SGPP1: variants seen among roughly 807,000 people sequenced by gnomAD.
The protein encoded by SGPP1 is hSPP1.
A neutral mutation model predicts 33.0 loss-of-function variants in SGPP1; 21 were observed. The observed-to-expected ratio is 0.64, with a 90% CI of 0.45 to 0.92. The LOEUF is 0.92. Among genes scored for constraint, SGPP1 ranks in the 40% least tolerant of loss-of-function variants. The pLI, the probability that SGPP1 is intolerant of heterozygous loss-of-function variation, is 0.00. For synonymous variants in SGPP1, 239 were observed against 241.2 expected (o/e 0.99, Z 0.08); for missense variants, 543 against 589.4 (o/e 0.92, Z 0.81).
Position 63,698,049 on chromosome 14 carries a change from G to A in SGPP1, c.774+520C>T, listed in dbSNP as rs560459712. Among the ~76,000 whole-genome samples the A allele has an allele frequency of 3.9e-5, 6 of 152,312 alleles. No homozygotes were observed. The South Asian group carries it at 1.2e-3, about 32-fold the overall frequency. Reference sequence around the variant, plus strand: ...TGGCTGCAAATAGTACAGGGTCCCTGTGCTGCTGCTTTGGGAACCGAATTG... The same window carrying A: ...TGGCTGCAAATAGTACAGGGTCCCTATGCTGCTGCTTTGGGAACCGAATTG... On this transcript the variant is annotated intron_variant, in intron 2 of 2. Transcript: ENST00000247225.
chr14:63,712,917 CAAAAAAAAA>C (rs56797705), intron 1 of SGPP1, among the ~76,000 whole-genome samples: 1 of 63,750 alleles, frequency 1.6e-5, no homozygotes, highest in African/African-American at 4.8e-5. Context: ...AACTCTGTCT[CAAAAAAAAA>C]AAAAAAAAAA....
chr14:63,716,519 A>C (rs1356179700), intron 1 of SGPP1, among the ~76,000 whole-genome samples: 1 of 151,912 alleles, frequency 6.6e-6, no homozygotes, highest in African/African-American at 2.4e-5. Flanking sequence ...AAAATTAAAA[A>C]TATAAAATTA....
intron 1 of SGPP1, among the ~76,000 whole-genome samples, chr14:63,718,998 ATATATATATATATATATTTTTTTTTT>A (rs1885699857): frequency 1.4e-4 from 3 of 21,078 alleles, no homozygotes; most frequent in African/African-American, 7.1e-4. Context: ...ATATATATAT[ATATATATATATATATATTTTTTTTTT>A]TTTTTTTTTT....
At position 63,727,617 on chromosome 14, in the gene SGPP1, G is replaced by T. The variant is rs897362862; in HGVS notation, c.328C>A (p.Arg110Ser). ...ASPRRAGALR[R>S]NSLTGEEGQL... ...CCCTCCTCGCCCGTCAGCGAGTTGC[G>T]GCGCAGAGCGCCCGCGCGCCGCGGC... Residue 110 changes from arginine (R) to serine (S), a missense_variant, in exon 1 of 3, where the codon CGC (arginine) becomes AGC (serine). Arg to Ser is a moderately radical substitution (Grantham distance 110). Transcript: ENST00000247225. 7.5e-6 allele frequency: 11 copies of T among 1,474,098 alleles called. No homozygotes were observed. The African/African-American group carries it at 8.8e-5, about 12-fold the overall frequency. The allele number at this position is 1,474,098 out of a possible 1,614,324, so 91.3% of individuals were successfully genotyped here.
intron 1 of SGPP1, among the ~76,000 whole-genome samples, chr14:63,705,555 G>A (rs1174535888): frequency 1.3e-5 from 2 of 151,400 alleles, no homozygotes; most frequent in Non-Finnish European, 2.9e-5. Context: ...GTGGTCCCAG[G>A]TACTTGGGAG....
At chr14:63,707,852 A>T (rs906806652) in intron 1 of SGPP1, among the ~76,000 whole-genome samples, 1 of 151,826 alleles carries the variant, frequency 6.6e-6, no homozygotes, top group Non-Finnish European at 1.5e-5. Flanking sequence ...TTTTTTTTTT[A>T]AATCCCTATT....
At chr14:63,715,325 T>C (rs1309223030) in intron 1 of SGPP1, among the ~76,000 whole-genome samples, 2 of 152,280 alleles carry the variant, frequency 1.3e-5, no homozygotes, top group East Asian at 1.9e-4. Context: ...AATGACCTTA[T>C]GAATACAGTT....
intron 1 of SGPP1, among the ~76,000 whole-genome samples, chr14:63,702,904 A>AT (rs1011318253): frequency 1.3e-4 from 19 of 151,306 alleles, no homozygotes; most frequent in South Asian, 6.3e-4. Context: ...ATAAAGTGAT[A>AT]TTTTTTTTTA....
At chr14:63,700,010 T>A (rs1447553503) in intron 1 of SGPP1, among the ~76,000 whole-genome samples, 1 of 151,980 alleles carries the variant, frequency 6.6e-6, no homozygotes, top group Non-Finnish European at 1.5e-5. Context: ...TCACCAAGGC[T>A]GATGTGCGGC....
At chr14:63,695,269 G>A (rs1885164157) in intron 2 of SGPP1, among the ~76,000 whole-genome samples, 1 of 152,042 alleles carries the variant, frequency 6.6e-6, no homozygotes, top group Admixed American at 6.6e-5. Flanking sequence ...TGTTAGCCAG[G>A]ATGGTCTCGA....
intron 1 of SGPP1, among the ~76,000 whole-genome samples, chr14:63,725,903 T>C (rs74598841): frequency 2.0e-5 from 3 of 152,192 alleles, no homozygotes; most frequent in Non-Finnish European, 2.9e-5. Context: ...ACACAGCTCA[T>C]TGAAAATCTT....
Position 63,686,147 on chromosome 14 carries a change from T to C in SGPP1, c.1284A>G (p.Thr428=). ...ITYGMVGFSI[T]FFVPYIFFFI... ...AGAAAAATATGTAAGGAACAAAAAA[T>C]GTGATGGAGAAACCAACCATTCCAT... The change falls in exon 3 of 3, where the codon ACA becomes ACG. Residue 428 remains threonine (T), a synonymous_variant. Coordinates refer to ENST00000247225, the MANE Select transcript of SGPP1 (RefSeq NM_030791.4). The C allele has an allele frequency of 1.2e-6, 2 of 1,608,346 alleles. No homozygotes were observed. Among genetic ancestry groups the C allele is most frequent in the Non-Finnish European group, 1.7e-6 (2 of 1,177,622 alleles).
chr14:63,719,500 A>G (rs560153520), intron 1 of SGPP1, among the ~76,000 whole-genome samples: 17 of 152,142 alleles, frequency 1.1e-4, no homozygotes, highest in South Asian at 8.3e-4. Context: ...ATATTCTTTG[A>G]CATAGTAATG....
Position 63,686,565 on chromosome 14 carries a change from T to C in SGPP1, c.866A>G (p.Lys289Arg), listed in dbSNP as rs150520184. ...DLIDNFNQTH[K>R]YAPFIIIGLH... ...CCCGATGATGATGAATGGAGCATAT[T>C]TGTGAGTTTGGTTGAAGTTGTCAAT... The change falls in exon 3 of 3, where the codon AAA (lysine) becomes AGA (arginine). Residue 289 changes from lysine (K) to arginine (R), a missense_variant. Transcript: ENST00000247225. 1.2e-5 allele frequency: 19 copies of C among 1,614,102 alleles called. No individual in the cohort carries two copies. The highest frequency in any genetic ancestry group is 1.6e-5 in the Non-Finnish European group (19 of 1,179,992).
Position 63,727,915 on chromosome 14 carries a change from C to G in SGPP1, c.30G>C (p.Leu10=), listed in dbSNP as rs1281738527. The change falls in exon 1 of 3, where the codon CTG becomes CTC. Residue 10 remains leucine, a synonymous_variant. Coordinates refer to ENST00000247225, the MANE Select transcript of SGPP1 (RefSeq NM_030791.4). Reference sequence around the variant, plus strand: ...TCTGCGGGTCCTGCAGACGGCCAACCAGCTGGGCCAGGCGCTGCCTCAGCG... The same window carrying G: ...TCTGCGGGTCCTGCAGACGGCCAACGAGCTGGGCCAGGCGCTGCCTCAGCG... MSLRQRLAQ[L]VGRLQDPQKV... The G allele has an allele frequency of 5.8e-6, 9 of 1,545,068 alleles. No homozygotes were observed. The East Asian group carries it at 1.5e-4, about 25-fold the overall frequency.
intron 1 of SGPP1, among the ~76,000 whole-genome samples, chr14:63,701,837 G>A (rs1885305092): frequency 6.6e-6 from 1 of 150,438 alleles, no homozygotes. Context: ...GATAACAGTG[G>A]TGTCTGTCTC....
intron 2 of SGPP1, among the ~76,000 whole-genome samples, chr14:63,698,089 A>G (rs1885223078): frequency 6.6e-6 from 1 of 152,240 alleles, no homozygotes; most frequent in South Asian, 2.1e-4. Context: ...CTCAAAACAC[A>G]ATGTCCACTG....
chr14:63,689,057 A>G (rs1489400181), intron 2 of SGPP1, among the ~76,000 whole-genome samples: 1 of 152,170 alleles, frequency 6.6e-6, no homozygotes, highest in Non-Finnish European at 1.5e-5. Context: ...CAGTTAAGCA[A>G]CAGACTAGTT....
At chr14:63,707,812 C>T (rs1370737057) in intron 1 of SGPP1, among the ~76,000 whole-genome samples, 1 of 152,084 alleles carries the variant, frequency 6.6e-6, no homozygotes, top group Non-Finnish European at 1.5e-5. Context: ...CAGAAAACTT[C>T]TCCAGTGTCT....
Sources: allele counts gnomAD v4.1 joint callset (sites outside exome capture counted in the v4.1 genomes callset), GRCh38; gene constraint gnomAD v4.1.1; transcripts MANE v1.5; gene names NCBI Gene and HGNC (gene_info 2026-07-23, HGNC 2026-07-21).